AFM: variants seen among roughly 807,000 people sequenced by gnomAD.
AFM encodes the protein alpha-Alb.
A neutral mutation model predicts 68.7 loss-of-function variants in AFM; 82 were observed. The observed-to-expected ratio is 1.19, with a 90% CI of 1.00 to 1.43. AFM has a LOEUF of 1.43. AFM is among the 40% of genes most tolerant of loss of function. AFM has a pLI of 0.00. For missense variants in AFM, 772 were observed against 701.8 expected (o/e 1.10, Z -1.13); for synonymous variants, 250 against 234.2 (o/e 1.07, Z -0.61).
At chr4:73,503,699 G>T (rs924495196) in intron 14 of AFM, among the ~76,000 whole-genome samples, 177 bp from the exon 15 acceptor site, 2 of 152,074 alleles carry the variant, frequency 1.3e-5, no homozygotes, top group Admixed American at 6.6e-5. Context: ...GTAGATATAG[G>T]AGTTATATAC....
At chr4:73,497,855 C>A (rs1395129939) in intron 10 of AFM, 106 bp downstream of exon 10, 2 of 593,274 alleles carry the variant, frequency 3.4e-6, no homozygotes, top group African/African-American at 1.9e-5. Flanking sequence ...ATGGCCGATT[C>A]ATAAACTCTT....
At chr4:73,485,470 C>T (rs974989522) in intron 3 of AFM, among the ~76,000 whole-genome samples, 1 of 151,950 alleles carries the variant, frequency 6.6e-6, no homozygotes, top group African/African-American at 2.4e-5. Context: ...TGGAGGATCA[C>T]TTGAGCCCAG....
At chr4:73,491,829 C>T in intron 7 of AFM, 43 bp from the exon 8 acceptor site, 1 of 1,560,508 alleles carries the variant, frequency 6.4e-7, no homozygotes, top group Non-Finnish European at 8.8e-7. Context: ...GGAAGAAAAC[C>T]CAGCCTGAAA....
In AFM at chr4:73,486,983, G is replaced by A. The variant is rs767663732; in HGVS notation, c.499G>A (p.Ala167Thr). 6.2e-7 allele frequency: 1 copy of A among 1,611,572 alleles called. No individual in the cohort carries two copies. The highest frequency in any genetic ancestry group is 1.7e-5 in the Admixed American group (1 of 59,852). ...TTTTTATAGCTTTTTATATGAAGTT[G>A]CCAGAAGGAACCCATTTGTCTTCGC... The part of the protein sequence containing the change: ...SLLNHFLYEV[A>T]RRNPFVFAPT... Residue 167 changes from alanine to threonine, a missense_variant, in exon 5 of 15, where the codon GCC becomes ACC. Coordinates refer to ENST00000226355, the MANE Select transcript of AFM (RefSeq NM_001133.2).
chr4:73,484,134 A>G, intron 2 of AFM, 124 bp from the exon 3 acceptor site: 1 of 1,422,758 alleles, frequency 7.0e-7, no homozygotes, highest in Non-Finnish European at 9.4e-7. Context: ...AAGAAGTTGT[A>G]AAATTTATAG....
rs965648568 is a variant in AFM, at chr4:73,484,539, T to C, written c.270+149T>C. 15 of 755,398 alleles carry C rather than the reference T, an allele frequency of 2.0e-5. No homozygotes were observed. The African/African-American group carries it at 2.6e-4, about 13-fold the overall frequency. The allele number at this position is 755,398 out of a possible 1,614,324, so 46.8% of individuals were successfully genotyped here. ...CTTTCTTCTTTCTTTCTTTCTTTCC[T>C]TCTTTTTTTTTTCTTGAAACAGAGT... On this transcript the variant is annotated intron_variant, in intron 3 of 14. Coordinates refer to ENST00000226355, the MANE Select transcript of AFM (RefSeq NM_001133.2).
chr4:73,485,246 C>T (rs780247970), intron 3 of AFM, among the ~76,000 whole-genome samples: 1 of 152,150 alleles, frequency 6.6e-6, no homozygotes, highest in Non-Finnish European at 1.5e-5. Flanking sequence ...TCTACCAATA[C>T]ATTAACATAC....
intron 8 of AFM, among the ~76,000 whole-genome samples, chr4:73,494,411 G>A (rs982187329): frequency 5.3e-5 from 8 of 151,998 alleles, no homozygotes; most frequent in African/African-American, 1.9e-4. Flanking sequence ...TTTTTATGAA[G>A]ACTGTAAATA....
intron 7 of AFM, among the ~76,000 whole-genome samples, chr4:73,490,861 TA>T (rs1721051323): frequency 6.6e-6 from 1 of 152,192 alleles, no homozygotes; most frequent in Admixed American, 6.5e-5. Context: ...ACATGAGATG[TA>T]AATGTCTTTT....
chr4:73,492,059 A>T lies in AFM; in HGVS notation c.1031A>T (p.Asp344Val), dbSNP rs1011745501. 1 of 1,611,932 alleles carries T rather than the reference A, an allele frequency of 6.2e-7. No individual in the cohort carries two copies. The highest frequency in any genetic ancestry group is 1.7e-5 in the Admixed American group (1 of 59,316). ...TDSENVCQERDADPDTFFAKF... is the reference protein window; with the variant it reads ...TDSENVCQERVADPDTFFAKF... ...AGTGAAAATGTGTGTCAAGAACGAG[A>T]TGCTGACCCAGACACCTTCTTTGCG... Residue 344 changes from aspartate (D) to valine (V), a missense_variant, in exon 8 of 15, where the codon GAT (aspartate) becomes GTT (valine). By Grantham distance (152) the Asp-to-Val change is radical. Coordinates refer to ENST00000226355, the MANE Select transcript of AFM (RefSeq NM_001133.2).
chr4:73,496,841 A>C (rs1721272859), intron 9 of AFM, among the ~76,000 whole-genome samples: 1 of 151,874 alleles, frequency 6.6e-6, no homozygotes, highest in Non-Finnish European at 1.5e-5. Context: ...ACATTTTTTG[A>C]TTTATTTCTC....
rs760544410 is a variant in AFM at position 73,491,979 on chromosome 4, A to T, written c.951A>T (p.Ser317=). ...IPERGQCIIN[S]NKDDRPKDLS... ...AGCGCGGCCAGTGCATAATTAACTC[A>T]AACAAAGATGATAGACCAAAGGATT... The change falls in exon 8 of 15, where the codon TCA becomes TCT. Residue 317 remains serine, a synonymous_variant. Transcript: ENST00000226355. 3.1e-6 allele frequency: 5 copies of T among 1,613,808 alleles called. No individual in the cohort carries two copies. The highest frequency in any genetic ancestry group is 4.2e-6 in the Non-Finnish European group (5 of 1,179,896).
chr4:73,499,907 T>C (rs757184172), intron 11 of AFM, 97 bp from the exon 12 acceptor site: 2 of 995,548 alleles, frequency 2.0e-6, no homozygotes, highest in African/African-American at 1.6e-5. Context: ...AGGTTAACAG[T>C]GATCTTAGAA....
intron 13 of AFM, among the ~76,000 whole-genome samples, chr4:73,502,481 C>T (rs1266275263): frequency 1.3e-5 from 2 of 152,140 alleles, no homozygotes; most frequent in Non-Finnish European, 2.9e-5. Context: ...GCCCTCGCTC[C>T]AGTGAAGGTA....
Position 73,487,098 on chromosome 4 carries a change from G to C in AFM, c.614G>C (p.Arg205Thr), listed in dbSNP as rs770539005. The C allele has an allele frequency of 6.2e-7, 1 of 1,613,842 alleles. No homozygotes were observed. The highest frequency in any genetic ancestry group is 1.1e-5 in the South Asian group (1 of 91,048). Residue 205 changes from arginine to threonine, a missense_variant and splice_region_variant, in exon 5 of 15, where the codon AGG (arginine) becomes ACG (threonine). By Grantham distance (71) the Arg-to-Thr change is moderately conservative. Coordinates refer to ENST00000226355, the MANE Select transcript of AFM (RefSeq NM_001133.2). ...EQNKVNCLQT[R>T]AIPVTQYLKA... The stretch of plus-strand genomic sequence containing the variant: ...AACAAAGTCAACTGCCTTCAAACAA[G>C]GGTGGGTATAGCATTTGTTCCATGA...
Position 73,500,236 on chromosome 4 carries a change from A to C in AFM, c.1646+9A>C. The C allele has an allele frequency of 6.3e-7, 1 of 1,596,046 alleles. No homozygotes were observed. Among genetic ancestry groups the C allele is most frequent in the Middle Eastern group, 1.7e-4 (1 of 6,026 alleles). On this transcript the variant is annotated intron_variant, in intron 12 of 14. Coordinates refer to ENST00000226355, the MANE Select transcript of AFM (RefSeq NM_001133.2). Reference sequence around the variant, plus strand: ...CAGAGGAAGACAGACAGGTACAAATAATCTCTTCCATTCTTCTTTTTCTTT... The same window carrying C: ...CAGAGGAAGACAGACAGGTACAAATCATCTCTTCCATTCTTCTTTTTCTTT...
At chr4:73,483,847 G>T (rs1221439240) in intron 1 of AFM, 94 bp from the exon 2 acceptor site, 3 of 1,070,150 alleles carry the variant, frequency 2.8e-6, no homozygotes, top group African/African-American at 1.7e-5. Flanking sequence ...GGTCTATTTT[G>T]TATTTTATAC....
intron 4 of AFM, 84 bp from the exon 5 acceptor site, chr4:73,486,883 T>C (rs565959977): frequency 8.8e-6 from 12 of 1,366,612 alleles, no homozygotes; most frequent in Non-Finnish European, 1.2e-5. Context: ...CTCCCTTCCC[T>C]TCCCTTCCCT....
intron 3 of AFM, among the ~76,000 whole-genome samples, chr4:73,485,503 A>G (rs1222609239): frequency 1.3e-5 from 2 of 152,044 alleles, no homozygotes; most frequent in East Asian, 1.9e-4. Context: ...AGCCTGCACA[A>G]CATATCAAGA....
Sources: allele counts gnomAD v4.1 joint callset (sites outside exome capture counted in the v4.1 genomes callset), GRCh38; gene constraint gnomAD v4.1.1; transcripts MANE v1.5; gene names NCBI Gene and HGNC (gene_info 2026-07-23, HGNC 2026-07-21).